TCF7L1: variants seen among roughly 807,000 people sequenced by gnomAD.
The protein encoded by TCF7L1 is transcription factor 7 like 1, also known as transcription factor 7-like 1.
A neutral mutation model predicts 63.7 loss-of-function variants in TCF7L1; 18 were observed. The ratio of observed to expected loss-of-function variants is 0.28; its 90% CI spans 0.20 to 0.42. TCF7L1 has a LOEUF of 0.42. TCF7L1 is among the 10% of genes least tolerant of loss of function. The pLI is 1.00. For missense variants in TCF7L1, 654 were observed against 779.3 expected (o/e 0.84, Z 1.91); for synonymous variants, 355 against 340.9 (o/e 1.04, Z -0.46).
rs1055293469 is a variant in TCF7L1, at chr2:85,309,510, T to C, written c.*48T>C. The C allele has an allele frequency of 6.7e-7, 1 of 1,502,830 alleles. No individual in the cohort carries two copies. 93.1% of individuals were successfully genotyped at this position (1,502,830 alleles called of 1,614,324 possible). ...TGTCACATGACTCATTGAGTAGTAATGATTCAGAAGAAAAAGAAAAAGGAG... is the reference window on the plus strand; with the variant it reads ...TGTCACATGACTCATTGAGTAGTAACGATTCAGAAGAAAAAGAAAAAGGAG... On this transcript the variant is annotated 3_prime_UTR_variant, in exon 12 of 12. Coordinates refer to ENST00000282111, the MANE Select transcript of TCF7L1 (RefSeq NM_031283.3).
intron 3 of TCF7L1, among the ~76,000 whole-genome samples, chr2:85,152,840 T>C (rs1678051466): frequency 6.6e-6 from 1 of 152,228 alleles, no homozygotes. Flanking sequence ...TACATAAAAT[T>C]AATATTTTTC....
intron 3 of TCF7L1, among the ~76,000 whole-genome samples, chr2:85,158,327 CCTCT>C (rs1558619261): frequency 6.6e-6 from 1 of 152,202 alleles, no homozygotes; most frequent in Non-Finnish European, 1.5e-5. Context: ...CTCTGGGAGT[CCTCT>C]CTCTCCCCTC....
Position 85,134,460 on chromosome 2 carries a change from C to G in TCF7L1, c.441+10C>G, listed in dbSNP as rs368216306. The G allele has an allele frequency of 5.4e-5, 83 of 1,549,446 alleles. No homozygotes were observed. The highest frequency in any genetic ancestry group is 6.8e-5 in the Non-Finnish European group (78 of 1,146,388). ...CGGAGGAGCGCGCACCGTGAGTGCC[C>G]GTCGGGCGCGCCGGGGAGGGTGGGA... On this transcript the variant is annotated intron_variant, in intron 3 of 11. Transcript: ENST00000282111. The surrounding 1 kb of genome is among the most constrained non-coding windows in gnomAD (Gnocchi z 5.0).
intron 4 of TCF7L1, among the ~76,000 whole-genome samples, chr2:85,289,414 G>A (rs899953712): frequency 2.6e-5 from 4 of 152,186 alleles, no homozygotes; most frequent in Admixed American, 1.3e-4. Flanking sequence ...AAACTTTAGA[G>A]TGACTTAATC....
rs1681474985 is a variant in TCF7L1, at chr2:85,283,587, G to A, written c.525+9G>A. 1 of 1,614,144 alleles carries A rather than the reference G, an allele frequency of 6.2e-7. No individual in the cohort carries two copies. Among genetic ancestry groups the A allele is most frequent in the South Asian group, 1.1e-5 (1 of 91,090 alleles). On this transcript the variant is annotated intron_variant, in intron 4 of 11. Transcript: ENST00000282111. ...CATCTCCAGCACACTTGGTAAGTCT[G>A]TTTCACCTTAAAGCACCAAAGGGCC...
intron 3 of TCF7L1, among the ~76,000 whole-genome samples, chr2:85,136,935 G>C (rs146789554): frequency 3.2e-4 from 49 of 152,260 alleles, no homozygotes; most frequent in African/African-American, 1.0e-3. Flanking sequence ...CCCTCTGTTG[G>C]TTTCCCAGCC....
Position 85,305,393 on chromosome 2 carries a change from G to C in TCF7L1, c.979G>C (p.Ala327Pro), listed in dbSNP as rs1391735513. The C allele has an allele frequency of 6.2e-7, 1 of 1,611,096 alleles. No individual in the cohort carries two copies. Among genetic ancestry groups the C allele is most frequent in the Non-Finnish European group, 8.5e-7 (1 of 1,178,498 alleles). The change falls in exon 8 of 12, where the codon GCA (alanine) becomes CCA (proline). Residue 327 changes from alanine to proline, a missense_variant. Coordinates refer to ENST00000282111, the MANE Select transcript of TCF7L1 (RefSeq NM_031283.3). Reference protein sequence around the residue: ...QEPAPPSLSPAVSVKSPVTVK... With the variant: ...QEPAPPSLSPPVSVKSPVTVK... ...ACCGGCACCCCCCAGCCTGAGCCCT[G>C]CAGTGAGCGTGTAAGTAAGCGGCAG...
intron 3 of TCF7L1, among the ~76,000 whole-genome samples, chr2:85,153,765 G>A (rs1465994242): frequency 6.6e-6 from 1 of 152,128 alleles, no homozygotes; most frequent in East Asian, 1.9e-4. Context: ...TTTCTCTTTT[G>A]ATGATCATTG....
chr2:85,136,127 A>G (rs1004165300), intron 3 of TCF7L1, among the ~76,000 whole-genome samples: 1 of 152,142 alleles, frequency 6.6e-6, no homozygotes, highest in African/African-American at 2.4e-5. Flanking sequence ...TCTGGGAGGC[A>G]CTAGCATCTG....
chr2:85,274,767 C>T (rs1373019519), intron 3 of TCF7L1, among the ~76,000 whole-genome samples: 3 of 152,216 alleles, frequency 2.0e-5, no homozygotes, highest in Admixed American at 6.5e-5. Context: ...TTTACCAACA[C>T]ACCACCGAAC....
At chr2:85,229,206 C>A (rs568434913) in intron 3 of TCF7L1, among the ~76,000 whole-genome samples, 1 of 150,322 alleles carries the variant, frequency 6.7e-6, no homozygotes, top group Admixed American at 6.7e-5. Context: ...ATTAGCTGGG[C>A]GTGTTGGCAC....
At position 85,160,752 on chromosome 2, in the gene TCF7L1, C is replaced by T. The variant is rs530405047; in HGVS notation, c.441+26302C>T. ...CCCCTGTCCCAACTACTCAGGAGGC[C>T]GAGGTGGGAGGATCACTTTAGCTTG... On this transcript the variant is annotated intron_variant, in intron 3 of 11. Coordinates refer to ENST00000282111, the MANE Select transcript of TCF7L1 (RefSeq NM_031283.3). Among the ~76,000 whole-genome samples, 7 of 152,034 alleles carry T rather than the reference C, an allele frequency of 4.6e-5. No homozygotes were observed. The East Asian group carries it at 5.8e-4, about 13-fold the overall frequency.
At chr2:85,176,726 C>A (rs971838672) in intron 3 of TCF7L1, among the ~76,000 whole-genome samples, 1 of 152,180 alleles carries the variant, frequency 6.6e-6, no homozygotes, top group African/African-American at 2.4e-5. Context: ...GTGGTTCACG[C>A]CTGTAATCCC....
At chr2:85,222,753 C>T (rs1679875279) in intron 3 of TCF7L1, among the ~76,000 whole-genome samples, 1 of 151,092 alleles carries the variant, frequency 6.6e-6, no homozygotes, top group African/African-American at 2.4e-5. Context: ...ATGGACCATG[C>T]ATTGGATCCT....
At position 85,302,632 on chromosome 2, in the gene TCF7L1, C is replaced by T. The variant is rs746985742; in HGVS notation, c.658+16C>T. The T allele has an allele frequency of 3.1e-6, 5 of 1,611,950 alleles. No individual in the cohort carries two copies. In the Admixed American group the frequency reaches 5.0e-5, roughly 16 times the overall value. On this transcript the variant is annotated intron_variant, in intron 5 of 11. Transcript: ENST00000282111. Reference sequence around the variant, plus strand: ...CCAAAGACAGGTAAGTCGTCTGCCACTCAGGCAGTGCTGCTGCAGGGCAGG... The same window carrying T: ...CCAAAGACAGGTAAGTCGTCTGCCATTCAGGCAGTGCTGCTGCAGGGCAGG...
At chr2:85,156,704 T>A (rs1453562444) in intron 3 of TCF7L1, among the ~76,000 whole-genome samples, 1 of 152,184 alleles carries the variant, frequency 6.6e-6, no homozygotes, top group Non-Finnish European at 1.5e-5. Flanking sequence ...AGAAATTGAG[T>A]TCCTCTGCTC....
At chr2:85,285,364 G>A (rs1681521502) in intron 4 of TCF7L1, among the ~76,000 whole-genome samples, 1 of 152,224 alleles carries the variant, frequency 6.6e-6, no homozygotes, top group Non-Finnish European at 1.5e-5. Context: ...CAGGAGACCT[G>A]CTCCTGTGGA....
chr2:85,135,478 A>AG (rs1490507091), intron 3 of TCF7L1, among the ~76,000 whole-genome samples: 2 of 152,142 alleles, frequency 1.3e-5, no homozygotes, highest in African/African-American at 4.8e-5. Context: ...ACGGTGGGTA[A>AG]GGGGGCAGGG....
intron 3 of TCF7L1, among the ~76,000 whole-genome samples, chr2:85,264,038 G>A (rs1051272464): frequency 6.6e-6 from 1 of 152,186 alleles, no homozygotes; most frequent in Non-Finnish European, 1.5e-5. Context: ...AGGGAGTGGA[G>A]GCATTGACAG....
Sources: gnomAD v4.1 joint callset for allele counts (sites outside exome capture counted in the v4.1 genomes callset) on GRCh38, gnomAD v4.1.1 for gene constraint, Gnocchi (gnomAD v3.1) non-coding constraint, MANE v1.5 for transcripts, NCBI Gene and HGNC (gene_info 2026-07-23, HGNC 2026-07-21) for gene names.